The following SLC8A1 variants were observed in gnomAD, a reference collection of about 807,000 sequenced individuals.
SLC8A1 encodes sodium/calcium exchanger 1.
In SLC8A1, 18 loss-of-function variants were observed where a neutral mutation model predicts 68.3. The observed-to-expected ratio is 0.26, with a 90% CI of 0.18 to 0.39. SLC8A1 has a LOEUF of 0.39. Among genes scored for constraint, SLC8A1 ranks in the 10% least tolerant of loss-of-function variants. SLC8A1 has a pLI of 1.00. For synonymous variants in SLC8A1, 475 were observed against 415.5 expected, an observed-to-expected ratio of 1.14 and a Z score of -1.74; for missense variants, 985 against 1,156.7, an observed-to-expected ratio of 0.85 and a Z score of 2.15.
intron 1 of SLC8A1, among the ~76,000 whole-genome samples, chr2:40,491,160 G>A (rs1431699534): frequency 6.6e-6 from 1 of 152,024 alleles, no homozygotes; most frequent in Non-Finnish European, 1.5e-5. Context: ...TATAGTCAAA[G>A]AAGCTTAGGT....
At chr2:40,264,144 A>G (rs2065056496) in intron 2 of SLC8A1, among the ~76,000 whole-genome samples, 1 of 151,976 alleles carries the variant, frequency 6.6e-6, no homozygotes, top group Non-Finnish European at 1.5e-5. Context: ...TCAAAACCAC[A>G]ATGAGATACC....
intron 2 of SLC8A1, among the ~76,000 whole-genome samples, chr2:40,291,137 C>T (rs115230720): frequency 0.058 from 8,794 of 152,240 alleles, 831 homozygotes; most frequent in African/African-American, 0.2. Context: ...TTTCAGTCTT[C>T]TTATCACAAT....
rs201167360 is a variant in SLC8A1, at chr2:40,447,686, TTAGA to T, written c.-25+4214_-25+4217del. The stretch of plus-strand genomic sequence containing the variant: ...TAATATTTCATTTTATTAGGGTCTA[TTAGA>T]TAGAATTCCTTTATTCAAATGAATG... On this transcript the variant is annotated intron_variant, in intron 1 of 7. Coordinates refer to ENST00000406785, the Ensembl canonical transcript of SLC8A1. 4.9e-3 allele frequency among the ~76,000 whole-genome samples: 752 copies of T among 152,286 alleles called. 10 individuals carry two copies. The highest frequency in any genetic ancestry group is 0.017 in the African/African-American group (707 of 41,560).
intron 2 of SLC8A1, among the ~76,000 whole-genome samples, chr2:40,310,263 G>A (rs1037353041): frequency 1.3e-5 from 2 of 152,190 alleles, no homozygotes; most frequent in African/African-American, 4.8e-5. Context: ...CATGGTCACA[G>A]GCAGCACATT....
At chr2:40,247,575 A>G (rs899434117) in intron 2 of SLC8A1, among the ~76,000 whole-genome samples, 8 of 152,222 alleles carry the variant, frequency 5.3e-5, no homozygotes, top group African/African-American at 7.2e-5. Context: ...CTCAGGGCAT[A>G]TAAGTCACGT....
At chr2:40,455,953 G>A (rs760835079), upstream of SLC8A1, among the ~76,000 whole-genome samples, 1 of 148,978 alleles carries the variant, frequency 6.7e-6, no homozygotes, top group African/African-American at 2.5e-5. Flanking sequence ...CCTCTGAGTC[G>A]CCAATGAATT....
chr2:40,104,277 C>T (rs2034067995), exon 8 of SLC8A1: 1 of 152,144 alleles, frequency 6.6e-6, no homozygotes, highest in Admixed American at 6.6e-5. Context: ...TTAAGAAAAT[C>T]CAGTGATGAA....
chr2:40,108,495 C>T (rs1405371438), exon 8 of SLC8A1: 1 of 152,124 alleles, frequency 6.6e-6, no homozygotes, highest in Non-Finnish European at 1.5e-5. Flanking sequence ...TTTAAATACG[C>T]TCTTATTCTC....
chr2:40,315,825 T>C (rs987868958), intron 2 of SLC8A1, among the ~76,000 whole-genome samples: 2 of 151,926 alleles, frequency 1.3e-5, no homozygotes, highest in Non-Finnish European at 2.9e-5. Flanking sequence ...TGGCACATGG[T>C]GATAATGTAT....
intron 2 of SLC8A1, among the ~76,000 whole-genome samples, chr2:40,351,062 A>C (rs1354012200): frequency 6.6e-6 from 1 of 152,310 alleles, no homozygotes; most frequent in East Asian, 1.9e-4. Flanking sequence ...AATATCTAAT[A>C]AACTTTAGAC....
chr2:40,441,643 C>T (rs1041167512), intron 1 of SLC8A1, among the ~76,000 whole-genome samples: 9 of 152,012 alleles, frequency 5.9e-5, no homozygotes, highest in Non-Finnish European at 1.2e-4. Flanking sequence ...CTTCTACAAA[C>T]CTGACAAAAA....
At chr2:40,438,226 C>A (rs1449513967) in intron 1 of SLC8A1, among the ~76,000 whole-genome samples, 1 of 152,110 alleles carries the variant, frequency 6.6e-6, no homozygotes, top group Admixed American at 6.6e-5. Flanking sequence ...TCACCACTAA[C>A]CCTGAAGAGA....
chr2:40,292,630 C>T (rs1293819959), intron 2 of SLC8A1, among the ~76,000 whole-genome samples: 1 of 152,160 alleles, frequency 6.6e-6, no homozygotes, highest in Non-Finnish European at 1.5e-5. Flanking sequence ...ACAGGAGTGA[C>T]TGTGATCTAT....
intron 2 of SLC8A1, among the ~76,000 whole-genome samples, chr2:40,346,188 C>A (rs1464602961): frequency 1.3e-5 from 2 of 151,540 alleles, no homozygotes; most frequent in Non-Finnish European, 2.9e-5. Flanking sequence ...CCTGGCTGTA[C>A]ATCTCTATAT....
chr2:40,172,470 T>C (rs1463178336), intron 4 of SLC8A1, among the ~76,000 whole-genome samples: 3 of 152,000 alleles, frequency 2.0e-5, no homozygotes, highest in Non-Finnish European at 4.4e-5. Flanking sequence ...GAAACCTTTG[T>C]AGGAGGTGAT....
At chr2:40,452,536 C>T (rs941314461), upstream of SLC8A1, among the ~76,000 whole-genome samples, 1 of 152,210 alleles carries the variant, frequency 6.6e-6, no homozygotes, top group Non-Finnish European at 1.5e-5. Context: ...AGACAGAACC[C>T]TGACCCCCAA....
At chr2:40,398,618 TATG>T (rs1354105804) in intron 2 of SLC8A1, among the ~76,000 whole-genome samples, 18 of 152,216 alleles carry the variant, frequency 1.2e-4, no homozygotes, top group African/African-American at 4.3e-4. Context: ...GAATAGTCAA[TATG>T]ATTTTTAAAA....
chr2:40,138,237 A>T (rs2040892960), intron 7 of SLC8A1, among the ~76,000 whole-genome samples: 1 of 152,202 alleles, frequency 6.6e-6, no homozygotes, highest in African/African-American at 2.4e-5. Context: ...ATAACTGGTG[A>T]ATTTGAGTAG....
At chr2:40,364,450 CA>C (rs397829947) in intron 2 of SLC8A1, among the ~76,000 whole-genome samples, 25 of 144,918 alleles carry the variant, frequency 1.7e-4, no homozygotes, top group East Asian at 1.2e-3. Flanking sequence ...GCAAGTAAAA[CA>C]AAAAAAAAAC....
Sources: gnomAD v4.1 joint callset for allele counts (sites outside exome capture counted in the v4.1 genomes callset) on GRCh38, gnomAD v4.1.1 for gene constraint, MANE v1.5 for transcripts, NCBI Gene and HGNC (gene_info 2026-07-23, HGNC 2026-07-21) for gene names.